Variants in PPP6R2 observed in about 807,000 individuals in gnomAD.
The protein encoded by PPP6R2 is protein phosphatase 6 regulatory subunit 2, also known as serine/threonine-protein phosphatase 6 regulatory subunit 2.
Under a neutral mutation model 100.2 loss-of-function variants are expected in PPP6R2, and 62 were observed. That is an observed-to-expected ratio of 0.62 (90% CI 0.50 to 0.76). The LOEUF is 0.76. Among genes scored for constraint, PPP6R2 ranks in the 30% least tolerant of loss-of-function variants. The pLI, the probability that PPP6R2 is intolerant of heterozygous loss-of-function variation, is 0.00. For synonymous variants in PPP6R2, 525 were observed against 514.7 expected, an observed-to-expected ratio of 1.02 and a Z score of -0.27; for missense variants, 1,142 against 1,276.3, an observed-to-expected ratio of 0.89 and a Z score of 1.60.
chr22:50,387,903 A>T (rs1354673103), intron 2 of PPP6R2, among the ~76,000 whole-genome samples: 2 of 152,168 alleles, frequency 1.3e-5, no homozygotes, highest in Non-Finnish European at 1.5e-5. Flanking sequence ...CCCACAGGGG[A>T]TGTCGATGCT....
the PPP6R2 span, among the ~76,000 whole-genome samples, chr22:50,336,485 C>T: frequency 6.6e-6 from 1 of 152,132 alleles, no homozygotes; most frequent in Non-Finnish European, 1.5e-5. Context: ...AAGTGATTCT[C>T]CTGCCTCAGC....
intron 10 of PPP6R2, among the ~76,000 whole-genome samples, chr22:50,426,666 G>C (rs5770960): frequency 0.69 from 104,407 of 151,752 alleles, 36,198 homozygotes; most frequent in East Asian, 0.94. Context: ...GAAACCCCAT[G>C]TCTACAAAAA....
At position 50,382,246 on chromosome 22, in the gene PPP6R2, TAC is replaced by T. The variant is rs563438928; in HGVS notation, c.-17+10098_-17+10099del. Among the ~76,000 whole-genome samples, 19 of 152,286 alleles carry T rather than the reference TAC, an allele frequency of 1.2e-4. No individual in the cohort carries two copies. In the East Asian group the frequency reaches 2.9e-3, roughly 23 times the overall value. ...AATCCAAAATGATCCAAAGCTATAA[TAC>T]AGTCAATTCTTTACCCAAACAGCTT... On this transcript the variant is annotated intron_variant, in intron 2 of 23. Coordinates refer to ENST00000612753, the MANE Select transcript of PPP6R2 (RefSeq NM_001242898.2).
chr22:50,369,766 A>G (rs1372979914), intron 1 of PPP6R2, among the ~76,000 whole-genome samples: 1 of 152,018 alleles, frequency 6.6e-6, no homozygotes, highest in Non-Finnish European at 1.5e-5. Context: ...TCGGCCTCCC[A>G]AAGTGCTGGG....
chr22:50,418,991 T>A lies in PPP6R2; in HGVS notation c.731+12T>A. On this transcript the variant is annotated intron_variant, in intron 7 of 23. Transcript: ENST00000612753. ...ACAGCGCTGGAGTCGTGAGTGCTGG[T>A]GGGCCGTGGTGCTGGTGGGCCTCCC... 6.3e-7 allele frequency: 1 copy of A among 1,599,284 alleles called. No homozygotes were observed. Among genetic ancestry groups the A allele is most frequent in the Non-Finnish European group, 8.6e-7 (1 of 1,166,740 alleles).
At chr22:50,347,120 A>G (rs142628524) in intron 1 of PPP6R2, among the ~76,000 whole-genome samples, 30 of 151,632 alleles carry the variant, frequency 2.0e-4, no homozygotes, top group Admixed American at 5.3e-4. Flanking sequence ...GCTCTTTGCT[A>G]TCGGCCTCTG....
In PPP6R2 at chr22:50,423,659, G is replaced by T. The variant is rs371713603; in HGVS notation, c.1125+45G>T. 6.2e-7 allele frequency: 1 copy of T among 1,608,360 alleles called. No homozygotes were observed. The highest frequency in any genetic ancestry group is 1.7e-5 in the Admixed American group (1 of 59,654). ...AGCCCTGCATGTCTGTGAGTGTGCC[G>T]GGCATGGCCTGTGGACTTGTCAGGA... On this transcript the variant is annotated intron_variant, in intron 10 of 23. Coordinates refer to ENST00000612753, the MANE Select transcript of PPP6R2 (RefSeq NM_001242898.2). The surrounding 1 kb of genome is among the most constrained non-coding windows in gnomAD (Gnocchi z 4.8).
At chr22:50,353,954 T>C (rs1347009801) in intron 1 of PPP6R2, among the ~76,000 whole-genome samples, 2 of 152,086 alleles carry the variant, frequency 1.3e-5, no homozygotes, top group Non-Finnish European at 2.9e-5. Context: ...GATAACTGAT[T>C]ATGTATCAGG....
chr22:50,392,762 G>C (rs56067900), intron 2 of PPP6R2, among the ~76,000 whole-genome samples: 1 of 152,030 alleles, frequency 6.6e-6, no homozygotes, highest in Non-Finnish European at 1.5e-5. Context: ...GACATCAAGT[G>C]AGTTTGAATT....
rs987665828 is a variant in PPP6R2 at position 50,408,181 on chromosome 22, C to A, written c.414+1306C>A. 2.0e-5 allele frequency among the ~76,000 whole-genome samples: 3 copies of A among 152,268 alleles called. No homozygotes were observed. The East Asian group carries it at 5.8e-4, about 29-fold the overall frequency. On this transcript the variant is annotated intron_variant, in intron 4 of 23. Coordinates refer to ENST00000612753, the MANE Select transcript of PPP6R2 (RefSeq NM_001242898.2). ...GGACTACAGGTGTGAGCCACGATGC[C>A]CAGCTATGTATCTCTAAAATAAAGA...
intron 1 of PPP6R2, among the ~76,000 whole-genome samples, chr22:50,353,043 A>T (rs1370205109): frequency 6.6e-6 from 1 of 152,188 alleles, no homozygotes; most frequent in Admixed American, 6.5e-5. Context: ...CAGCCTGGGC[A>T]ACAGAGTAAG....
At chr22:50,360,997 C>T (rs1274334507) in intron 1 of PPP6R2, among the ~76,000 whole-genome samples, 1 of 152,186 alleles carries the variant, frequency 6.6e-6, no homozygotes, top group African/African-American at 2.4e-5. Flanking sequence ...AGGAGCTCTT[C>T]AAGAATTTGA....
At chr22:50,412,803 G>T (rs1468616022) in intron 4 of PPP6R2, among the ~76,000 whole-genome samples, 1 of 150,456 alleles carries the variant, frequency 6.6e-6, no homozygotes, top group African/African-American at 2.4e-5. Context: ...CACCATGCCC[G>T]GCTAATTTTT....
At chr22:50,408,549 G>A (rs1256021679) in intron 4 of PPP6R2, among the ~76,000 whole-genome samples, 1 of 152,170 alleles carries the variant, frequency 6.6e-6, no homozygotes, top group African/African-American at 2.4e-5. Context: ...GGCAGAATGG[G>A]AGTGGGAGTG....
intron 1 of PPP6R2, among the ~76,000 whole-genome samples, chr22:50,355,911 T>G (rs1010256353): frequency 1.3e-4 from 19 of 151,446 alleles, no homozygotes; most frequent in African/African-American, 3.9e-4. Flanking sequence ...TAACACATAA[T>G]TGTATATATT....
Position 50,407,001 on chromosome 22 carries a change from G to A in PPP6R2, c.414+126G>A, listed in dbSNP as rs373762887. ...GGAACAGCATCTGTGACTCTTCTGCGCAACACGTGGAGCAGTGTGTGGGTT... is the reference window on the plus strand; with the variant it reads ...GGAACAGCATCTGTGACTCTTCTGCACAACACGTGGAGCAGTGTGTGGGTT... On this transcript the variant is annotated intron_variant, in intron 4 of 23. Transcript: ENST00000612753. 1.1e-4 allele frequency: 100 copies of A among 946,618 alleles called. No homozygotes were observed. The Admixed American group carries it at 1.3e-3, about 12-fold the overall frequency. The allele number at this position is 946,618 out of a possible 1,614,324, so 58.6% of individuals were successfully genotyped here.
chr22:50,435,161 T>G, intron 13 of PPP6R2, 80 bp downstream of exon 13: 4 of 1,217,862 alleles, frequency 3.3e-6, no homozygotes, highest in Non-Finnish European at 4.4e-6. Flanking sequence ...GACTAAGCTC[T>G]GCCCGGCAGC....
chr22:50,348,360 T>G (rs2044231218), intron 1 of PPP6R2, among the ~76,000 whole-genome samples: 2 of 151,970 alleles, frequency 1.3e-5, no homozygotes, highest in Non-Finnish European at 2.9e-5. Flanking sequence ...TAGAACTTGG[T>G]GGTGGGTTTA....
In PPP6R2 at chr22:50,430,828, C is replaced by T. The variant is rs369389028; in HGVS notation, c.1126-345C>T. 7.7e-4 allele frequency among the ~76,000 whole-genome samples: 113 copies of T among 146,254 alleles called. 1 individual carries two copies. The highest frequency in any genetic ancestry group is 2.6e-3 in the African/African-American group (103 of 39,610). On this transcript the variant is annotated intron_variant, in intron 10 of 23. Transcript: ENST00000612753. Reference sequence around the variant, plus strand: ...GGCAGGGGTTGCAGTGAGCCGAGATCGTGCCACTGCACTCTAGCCTGGGAG... The same window carrying T: ...GGCAGGGGTTGCAGTGAGCCGAGATTGTGCCACTGCACTCTAGCCTGGGAG...
Sources: allele counts gnomAD v4.1 joint callset (sites outside exome capture counted in the v4.1 genomes callset), GRCh38; gene constraint gnomAD v4.1.1; non-coding constraint Gnocchi (gnomAD v3.1); transcripts MANE v1.5; gene names NCBI Gene and HGNC (gene_info 2026-07-23, HGNC 2026-07-21).